Variants in JMJD1C observed in about 807,000 individuals in gnomAD.
The protein encoded by JMJD1C is jumonji domain-containing protein 1C.
JMJD1C carries 31 observed loss-of-function variants against 245.3 expected under a neutral mutation model. The ratio of observed to expected loss-of-function variants is 0.13; its 90% CI spans 0.09 to 0.17. The LOEUF (loss-of-function observed/expected upper bound fraction) is 0.17, where lower values mean the gene tolerates loss of function less well. Among genes scored for constraint, JMJD1C ranks in the 10% least tolerant of loss-of-function variants. JMJD1C has a pLI of 1.00. For synonymous variants in JMJD1C, 1,057 were observed against 1,017.4 expected (o/e 1.04, Z -0.74); for missense variants, 2,691 against 3,000.2 (o/e 0.90, Z 2.41).
intron 1 of JMJD1C, among the ~76,000 whole-genome samples, chr10:63,391,179 G>A (rs1285141989): frequency 6.6e-6 from 1 of 152,082 alleles, no homozygotes; most frequent in Non-Finnish European, 1.5e-5. Flanking sequence ...AAAATCAGTA[G>A]CATTTCTATA....
chr10:63,448,715 C>T (rs1176912019), intron 1 of JMJD1C, among the ~76,000 whole-genome samples: 1 of 152,170 alleles, frequency 6.6e-6, no homozygotes, highest in Non-Finnish European at 1.5e-5. Flanking sequence ...CATTTGAAGT[C>T]TATTGCAGAG....
chr10:63,209,336 T>C, intron 8 of JMJD1C, 101 bp from the exon 9 acceptor site: 9 of 888,126 alleles, frequency 1.0e-5, no homozygotes, highest in Non-Finnish European at 1.4e-5. Flanking sequence ...GGTGGTTTAT[T>C]AGTTCATTCA....
intron 1 of JMJD1C, among the ~76,000 whole-genome samples, chr10:63,504,276 A>G (rs1386146775): frequency 1.3e-5 from 2 of 152,176 alleles, no homozygotes; most frequent in African/African-American, 4.8e-5. Flanking sequence ...CTCACATTCT[A>G]ATTGGAGGAG....
At chr10:63,433,218 T>C (rs995862694) in intron 1 of JMJD1C, among the ~76,000 whole-genome samples, 1 of 151,936 alleles carries the variant, frequency 6.6e-6, no homozygotes, top group Non-Finnish European at 1.5e-5. Flanking sequence ...TGCCTCAGCC[T>C]CCCGAGTAGC....
At chr10:63,470,277 A>ATGAATGAG (rs1469098539), upstream of JMJD1C, among the ~76,000 whole-genome samples, 1 of 152,184 alleles carries the variant, frequency 6.6e-6, no homozygotes, top group Non-Finnish European at 1.5e-5. Context: ...GCATGAATGA[A>ATGAATGAG]TGAATGAATG....
chr10:63,465,982 C>CT, upstream of JMJD1C: 5 of 329,216 alleles, frequency 1.5e-5, no homozygotes, highest in South Asian at 8.2e-5. Context: ...AGTACTGCTC[C>CT]GTCTCCCTCC....
intron 13 of JMJD1C, chr10:63,194,754 A>T (rs1419730956): frequency 5.7e-6 from 1 of 175,452 alleles, no homozygotes. Context: ...CATCAGACTG[A>T]CACAGTTTGA....
At chr10:63,187,594 C>T (rs893612347) in intron 18 of JMJD1C, among the ~76,000 whole-genome samples, 4 of 152,032 alleles carry the variant, frequency 2.6e-5, no homozygotes, top group African/African-American at 7.2e-5. Context: ...TGAACCACCA[C>T]GTCTGGCTAA....
chr10:63,441,893 T>C (rs948618015), intron 1 of JMJD1C, among the ~76,000 whole-genome samples: 2 of 152,210 alleles, frequency 1.3e-5, no homozygotes, highest in African/African-American at 2.4e-5. Context: ...CTCTTCTCAA[T>C]GTTAACAGCG....
intron 1 of JMJD1C, among the ~76,000 whole-genome samples, chr10:63,445,048 G>C (rs1215989799): frequency 6.6e-6 from 1 of 152,000 alleles, no homozygotes; most frequent in Non-Finnish European, 1.5e-5. Context: ...GCAACATAGT[G>C]ATACCCAGTC....
At chr10:63,175,140 A>G (rs1190849503) in intron 24 of JMJD1C, among the ~76,000 whole-genome samples, 11 of 152,230 alleles carry the variant, frequency 7.2e-5, no homozygotes, top group Non-Finnish European at 1.3e-4. Context: ...AAAAAGATTT[A>G]TAATACTAGT....
At chr10:63,483,159 CAAGT>C (rs1953881806) in intron 1 of JMJD1C, among the ~76,000 whole-genome samples, 1 of 152,028 alleles carries the variant, frequency 6.6e-6, no homozygotes, top group Admixed American at 6.6e-5. Flanking sequence ...ATCATGAAAA[CAAGT>C]AATTATCTGA....
Position 63,206,685 on chromosome 10 carries a change from C to T in JMJD1C, c.4984G>A (p.Gly1662Ser), listed in dbSNP as rs1475443240. 2 of 1,613,458 alleles carry T rather than the reference C, an allele frequency of 1.2e-6. No homozygotes were observed. The highest frequency in any genetic ancestry group is 1.7e-6 in the Non-Finnish European group (2 of 1,179,834). ...GGTTTCAAATCTTCTTCTATTTCAC[C>T]TTTTCTCTTTTGCAAATCATTTTGC... ...KKQNDLQKRKGEIEEDLKPNG... is the reference protein window; with the variant it reads ...KKQNDLQKRKSEIEEDLKPNG... The change falls in exon 10 of 26, where the codon GGT (glycine) becomes AGT (serine). Residue 1662 changes from glycine to serine, a missense_variant. Physicochemically the swap from Gly to Ser is moderately conservative, Grantham distance 56. Coordinates refer to ENST00000399262, the MANE Select transcript of JMJD1C (RefSeq NM_032776.3).
At chr10:63,197,966 C>T (rs1215840665) in intron 12 of JMJD1C, among the ~76,000 whole-genome samples, 4 of 152,108 alleles carry the variant, frequency 2.6e-5, no homozygotes, top group African/African-American at 9.7e-5. Context: ...GCTAAGTGTC[C>T]CCTGAGGGGC....
At chr10:63,337,608 GAAAAGAAAAGAAAAGA>G (rs1185900303) in intron 2 of JMJD1C, among the ~76,000 whole-genome samples, 1,576 of 92,476 alleles carry the variant, frequency 0.017, 140 homozygotes, top group African/African-American at 0.064. Context: ...GAAAAGAAAA[GAAAAGAAAAGAAAAGA>G]AAAAGAAAAG....
At chr10:63,494,836 C>G (rs955222844) in intron 1 of JMJD1C, among the ~76,000 whole-genome samples, 1 of 152,156 alleles carries the variant, frequency 6.6e-6, no homozygotes, top group African/African-American at 2.4e-5. Flanking sequence ...GTCACTAATA[C>G]AGAGAGAAAG....
Position 63,358,398 on chromosome 10 carries a change from TA to T in JMJD1C, c.333+21919del, listed in dbSNP as rs5785571. On this transcript the variant is annotated intron_variant, in intron 2 of 25. Coordinates refer to ENST00000399262, the MANE Select transcript of JMJD1C (RefSeq NM_032776.3). Reference sequence around the variant, plus strand: ...TGACATAACAATTTAAGAAATGGGGTAAAAAAAAAAAATCTGAAGATAGATA... The same window carrying T: ...TGACATAACAATTTAAGAAATGGGGTAAAAAAAAAAATCTGAAGATAGATA... Among the ~76,000 whole-genome samples the T allele has an allele frequency of 5.6e-3, 820 of 146,068 alleles. 4 individuals carry two copies. Among genetic ancestry groups the T allele is most frequent in the South Asian group, 0.032 (146 of 4,618 alleles).
intron 2 of JMJD1C, among the ~76,000 whole-genome samples, chr10:63,354,710 T>C (rs61853561): frequency 7.2e-4 from 109 of 151,880 alleles, no homozygotes; most frequent in Admixed American, 3.8e-3. Context: ...AATTTTAATA[T>C]ATCTGAATTA....
intron 2 of JMJD1C, among the ~76,000 whole-genome samples, chr10:63,375,823 G>A (rs1377301349): frequency 1.3e-5 from 2 of 151,974 alleles, no homozygotes; most frequent in East Asian, 1.9e-4. Flanking sequence ...CCAAAGAGCT[G>A]GGATACAGCA....
Sources: allele counts gnomAD v4.1 joint callset (sites outside exome capture counted in the v4.1 genomes callset), GRCh38; gene constraint gnomAD v4.1.1; transcripts MANE v1.5; gene names NCBI Gene and HGNC (gene_info 2026-07-23, HGNC 2026-07-21).